PARN: variants seen among roughly 807,000 people sequenced by gnomAD.
PARN encodes the protein poly(A)-specific ribonuclease.
PARN carries 71 observed loss-of-function variants against 102.8 expected under a neutral mutation model. That is an observed-to-expected ratio of 0.69 (90% CI 0.57 to 0.84). PARN has a LOEUF of 0.84. Ranked by LOEUF, PARN falls within the 40% of genes least tolerant of loss-of-function variation. PARN has a pLI of 0.00. For missense variants in PARN, 782 were observed against 760.9 expected (o/e 1.03, Z -0.33); for synonymous variants, 261 against 252.9 (o/e 1.03, Z -0.30).
intron 21 of PARN, among the ~76,000 whole-genome samples, chr16:14,551,639 C>A (rs2151705057): frequency 6.7e-6 from 1 of 148,972 alleles, no homozygotes; most frequent in South Asian, 2.1e-4. Flanking sequence ...GTGAATAAAT[C>A]TCAAATATGT....
chr16:14,460,357 A>C (rs987062540), intron 22 of PARN, among the ~76,000 whole-genome samples: 2 of 152,244 alleles, frequency 1.3e-5, no homozygotes, highest in African/African-American at 4.8e-5. Flanking sequence ...AACTCTGAGG[A>C]AACAAGCACA....
chr16:14,523,795 T>C (rs1238335691), intron 21 of PARN, among the ~76,000 whole-genome samples: 2 of 150,044 alleles, frequency 1.3e-5, no homozygotes, highest in Non-Finnish European at 3.0e-5. Flanking sequence ...GACAGGGAGG[T>C]CCTTAAACAA....
chr16:14,506,253 A>G (rs1230508912), intron 21 of PARN, among the ~76,000 whole-genome samples: 1 of 152,254 alleles, frequency 6.6e-6, no homozygotes, highest in Non-Finnish European at 1.5e-5. Context: ...AGGCTGGGGA[A>G]CTATTCCAGA....
chr16:14,436,578 T>C lies in PARN; in HGVS notation c.*139A>G, dbSNP rs1960706123. 4.7e-6 allele frequency: 3 copies of C among 634,406 alleles called. No homozygotes were observed. The highest frequency in any genetic ancestry group is 8.4e-6 in the Non-Finnish European group (3 of 355,412). 39.3% of individuals were successfully genotyped at this position (634,406 alleles called of 1,614,324 possible). On this transcript the variant is annotated 3_prime_UTR_variant, in exon 24 of 24. Coordinates refer to ENST00000437198, the MANE Select transcript of PARN (RefSeq NM_002582.4). ...AGCCACAAAAATAAAACCTGTTTTC[T>C]CCCCCCCAGGAGACAACTTGGTTTC... is the stretch of plus-strand genomic sequence containing the variant.
At chr16:14,495,794 G>A (rs1279026984) in intron 21 of PARN, among the ~76,000 whole-genome samples, 1 of 152,204 alleles carries the variant, frequency 6.6e-6, no homozygotes, top group Non-Finnish European at 1.5e-5. Flanking sequence ...GGAGCACATG[G>A]TGGGGACACA....
chr16:14,590,958 T>A (rs1379087502), intron 13 of PARN, among the ~76,000 whole-genome samples: 1 of 152,168 alleles, frequency 6.6e-6, no homozygotes, highest in Non-Finnish European at 1.5e-5. Flanking sequence ...TAACAAAATA[T>A]TAATCTTTTA....
At chr16:14,496,710 T>C (rs1256335391) in intron 21 of PARN, among the ~76,000 whole-genome samples, 1 of 152,176 alleles carries the variant, frequency 6.6e-6, no homozygotes, top group East Asian at 1.9e-4. Flanking sequence ...GAAGACTAAA[T>C]AGTACACGGC....
chr16:14,525,926 C>A (rs1965974064), intron 21 of PARN, among the ~76,000 whole-genome samples: 1 of 152,006 alleles, frequency 6.6e-6, no homozygotes, highest in Admixed American at 6.5e-5. Context: ...TCAAGCAATC[C>A]TCCAACCTCA....
intron 21 of PARN, among the ~76,000 whole-genome samples, chr16:14,532,296 TG>T (rs2151671567): frequency 6.6e-6 from 1 of 151,580 alleles, no homozygotes; most frequent in Admixed American, 6.6e-5. Flanking sequence ...CGAAGTTCTC[TG>T]GTTTTCCTAG....
intron 12 of PARN, among the ~76,000 whole-genome samples, chr16:14,598,706 C>A (rs1187389301): frequency 6.6e-6 from 1 of 152,162 alleles, no homozygotes; most frequent in Non-Finnish European, 1.5e-5. Flanking sequence ...CGTGAGCCAA[C>A]CCTCTTCTTT....
chr16:14,462,534 C>T (rs1873686549), intron 22 of PARN, among the ~76,000 whole-genome samples: 1 of 152,118 alleles, frequency 6.6e-6, no homozygotes, highest in South Asian at 2.1e-4. Context: ...TAACAGCCCA[C>T]AGGGAGTACC....
At chr16:14,441,173 T>G (rs571212364) in intron 23 of PARN, among the ~76,000 whole-genome samples, 1 of 152,156 alleles carries the variant, frequency 6.6e-6, no homozygotes. Flanking sequence ...GGGTATGAGG[T>G]TGGCCGCAGA....
In PARN at chr16:14,455,483, C is replaced by A. The variant is rs1961636299; in HGVS notation, c.1671-8402G>T. ...AGAACCGTAGCCTACATTAAATATTCAAACACTGGAAAACACCAGTGAACA... is the reference window on the plus strand; with the variant it reads ...AGAACCGTAGCCTACATTAAATATTAAAACACTGGAAAACACCAGTGAACA... On this transcript the variant is annotated intron_variant, in intron 22 of 23. Coordinates refer to ENST00000437198, the MANE Select transcript of PARN (RefSeq NM_002582.4). Among the ~76,000 whole-genome samples the A allele has an allele frequency of 2.0e-5, 3 of 152,268 alleles. 1 individual carries two copies. In the South Asian group the frequency reaches 6.2e-4, roughly 32 times the overall value.
intron 22 of PARN, among the ~76,000 whole-genome samples, chr16:14,470,434 G>GATT (rs1366806023): frequency 1.5e-3 from 174 of 113,986 alleles, no homozygotes; most frequent in Admixed American, 2.1e-3. Context: ...TTAGAGTTTG[G>GATT]ATGATTATTA....
chr16:14,507,437 C>A (rs529018637), intron 21 of PARN, among the ~76,000 whole-genome samples: 1 of 152,268 alleles, frequency 6.6e-6, no homozygotes, highest in East Asian at 1.9e-4. Flanking sequence ...TGGCTCACAC[C>A]TGTAATCCCA....
intron 8 of PARN, among the ~76,000 whole-genome samples, 187 bp downstream of exon 8, chr16:14,608,871 T>C (rs1971352830): frequency 6.6e-6 from 1 of 152,210 alleles, no homozygotes; most frequent in African/African-American, 2.4e-5. Flanking sequence ...AAAGCATTCA[T>C]TCAGTGTCTC....
chr16:14,621,991 G>A (rs990604964), intron 5 of PARN, among the ~76,000 whole-genome samples: 1 of 151,910 alleles, frequency 6.6e-6, no homozygotes, highest in African/African-American at 2.4e-5. Flanking sequence ...TCAGGAATTC[G>A]TGACCAGACT....
At chr16:14,529,707 TGGCA>T (rs955382572) in intron 21 of PARN, among the ~76,000 whole-genome samples, 2 of 152,158 alleles carry the variant, frequency 1.3e-5, no homozygotes, top group African/African-American at 4.8e-5. Flanking sequence ...TGGTACTCGT[TGGCA>T]GGTAGGGAGT....
chr16:14,532,544 GAA>G (rs1966401929), intron 21 of PARN, among the ~76,000 whole-genome samples: 2 of 152,058 alleles, frequency 1.3e-5, no homozygotes, highest in East Asian at 3.9e-4. Context: ...AGAGCAAAAC[GAA>G]AAGTCTCCCA....
Sources: allele counts gnomAD v4.1 joint callset (sites outside exome capture counted in the v4.1 genomes callset), GRCh38; gene constraint gnomAD v4.1.1; transcripts MANE v1.5; gene names NCBI Gene and HGNC (gene_info 2026-07-23, HGNC 2026-07-21).